The following HPSE2 variants were observed in gnomAD, a reference collection of about 807,000 sequenced individuals.
HPSE2 encodes the protein heparanase 2 (inactive).
In HPSE2, 38 loss-of-function variants were observed where a neutral mutation model predicts 60.5. That is an observed-to-expected ratio of 0.63 (90% CI 0.48 to 0.82). The LOEUF (loss-of-function observed/expected upper bound fraction) is 0.82, where lower values mean the gene tolerates loss of function less well. Ranked by LOEUF, HPSE2 falls within the 40% of genes least tolerant of loss-of-function variation. The pLI, the probability that HPSE2 is intolerant of heterozygous loss-of-function variation, is 0.00. For missense variants in HPSE2, 713 were observed against 740.4 expected (o/e 0.96, Z 0.43); for synonymous variants, 295 against 293.2 (o/e 1.01, Z -0.06).
intron 5 of HPSE2, among the ~76,000 whole-genome samples, chr10:98,702,995 G>C (rs117608532): frequency 0.015 from 2,275 of 152,166 alleles, 31 homozygotes; most frequent in African/African-American, 0.03. Flanking sequence ...ATGAATCCAG[G>C]AGCTGGTTTT....
intron 11 of HPSE2, 50 bp from the exon 12 acceptor site, chr10:98,459,789 C>A (rs1216503211): frequency 6.4e-7 from 1 of 1,551,050 alleles, no homozygotes; most frequent in Non-Finnish European, 8.8e-7. Context: ...TATAAGGGAG[C>A]CACTGCAACA....
At chr10:98,924,380 G>A (rs960243488) in intron 3 of HPSE2, 3 of 152,324 alleles carry the variant, frequency 2.0e-5, no homozygotes, top group African/African-American at 4.8e-5. Context: ...GTGAGTTCTT[G>A]TAGGCTCCAG....
upstream of HPSE2, among the ~76,000 whole-genome samples, chr10:99,240,380 C>G (rs1849918031): frequency 6.7e-6 from 1 of 149,922 alleles, no homozygotes; most frequent in African/African-American, 2.5e-5. Flanking sequence ...AGATGTACAG[C>G]TAATGGTCAT....
intron 3 of HPSE2, among the ~76,000 whole-genome samples, chr10:98,798,727 GAACA>G (rs1213140050): frequency 1.3e-5 from 2 of 151,694 alleles, no homozygotes; most frequent in African/African-American, 4.8e-5. Flanking sequence ...AAGAAACTTA[GAACA>G]AATACACAAA....
intron 3 of HPSE2, among the ~76,000 whole-genome samples, chr10:98,798,355 G>T (rs1196286133): frequency 1.3e-5 from 2 of 152,128 alleles, no homozygotes; most frequent in Non-Finnish European, 2.9e-5. Flanking sequence ...GAAAGAAAAA[G>T]ATGTTAATGA....
intron 3 of HPSE2, among the ~76,000 whole-genome samples, chr10:99,117,270 T>C (rs1844732288): frequency 6.7e-6 from 1 of 148,406 alleles, no homozygotes; most frequent in Admixed American, 6.7e-5. Context: ...AAACCTCACA[T>C]CACAACTAAG....
chr10:99,004,053 T>G (rs1245075319), intron 3 of HPSE2, among the ~76,000 whole-genome samples: 2 of 152,096 alleles, frequency 1.3e-5, no homozygotes, highest in African/African-American at 4.8e-5. Flanking sequence ...ATAAGTATAG[T>G]TACCCTGCTC....
At chr10:98,482,138 A>G (rs1941259670) in intron 11 of HPSE2, among the ~76,000 whole-genome samples, 1 of 152,078 alleles carries the variant, frequency 6.6e-6, no homozygotes, top group African/African-American at 2.4e-5. Flanking sequence ...TTTATCTCTG[A>G]CCTTTTGAGC....
At chr10:98,566,782 G>A (rs947863974) in intron 9 of HPSE2, among the ~76,000 whole-genome samples, 1 of 152,192 alleles carries the variant, frequency 6.6e-6, no homozygotes, top group African/African-American at 2.4e-5. Flanking sequence ...GTGGGACACA[G>A]AAGGGTTTGA....
At chr10:98,995,625 T>A in intron 3 of HPSE2, among the ~76,000 whole-genome samples, 1 of 152,106 alleles carries the variant, frequency 6.6e-6, no homozygotes, top group Non-Finnish European at 1.5e-5. Context: ...TTCTATTCAC[T>A]TCTACTTATC....
chr10:98,458,509 G>A lies in HPSE2; in HGVS notation c.*1065C>T, dbSNP rs1297934551. 6.6e-6 allele frequency: 1 copy of A among 152,154 alleles called. No individual in the cohort carries two copies. The highest frequency in any genetic ancestry group is 1.5e-5 in the Non-Finnish European group (1 of 68,024). 9.4% of individuals were successfully genotyped at this position (152,154 alleles called of 1,614,324 possible). On this transcript the variant is annotated 3_prime_UTR_variant, in exon 12 of 12. Transcript: ENST00000370552. The stretch of plus-strand genomic sequence containing the variant: ...ACAAAGTTTTGTTCTAGCTCAAATA[G>A]GCTACTTGGGAAGAGGCAAAAAGGT...
chr10:99,040,326 T>C (rs1050972752), intron 3 of HPSE2, among the ~76,000 whole-genome samples: 2 of 152,172 alleles, frequency 1.3e-5, no homozygotes, highest in Non-Finnish European at 2.9e-5. Context: ...TTTTAAAGTA[T>C]GCTATAAAGA....
At chr10:98,915,145 A>G (rs1400516991) in intron 3 of HPSE2, among the ~76,000 whole-genome samples, 1 of 149,530 alleles carries the variant, frequency 6.7e-6, no homozygotes, top group Admixed American at 6.7e-5. Context: ...AGTTTTCTAA[A>G]TTTTCCTTTT....
At chr10:98,832,290 G>A (rs1319007109) in intron 3 of HPSE2, among the ~76,000 whole-genome samples, 1 of 152,194 alleles carries the variant, frequency 6.6e-6, no homozygotes, top group East Asian at 1.9e-4. Context: ...ACGAAGCTTG[G>A]AATATATTTG....
intron 3 of HPSE2, among the ~76,000 whole-genome samples, chr10:98,919,694 A>G (rs896570576): frequency 6.6e-6 from 1 of 152,236 alleles, no homozygotes; most frequent in Non-Finnish European, 1.5e-5. Flanking sequence ...ATCAGAACAG[A>G]AATCTGAAGC....
At chr10:99,113,449 T>C (rs540412300) in intron 3 of HPSE2, among the ~76,000 whole-genome samples, 72 of 152,318 alleles carry the variant, frequency 4.7e-4, no homozygotes, top group Admixed American at 8.5e-4. Flanking sequence ...TTTTTGAACA[T>C]ATATCATTCA....
In HPSE2 at chr10:98,627,140, C is replaced by T. The variant is rs145083955; in HGVS notation, c.1099-6432G>A. Among the ~76,000 whole-genome samples the T allele has an allele frequency of 6.7e-3, 1,015 of 152,170 alleles. 3 individuals carry two copies. The highest frequency in any genetic ancestry group is 0.024 in the Middle Eastern group (7 of 294). ...TAAGTGAGGACTTGATTCCAGAAAACGGTTGGATTTATAAAATACTGTGTC... is the reference window on the plus strand; with the variant it reads ...TAAGTGAGGACTTGATTCCAGAAAATGGTTGGATTTATAAAATACTGTGTC... On this transcript the variant is annotated intron_variant, in intron 7 of 11. Transcript: ENST00000370552.
intron 3 of HPSE2, among the ~76,000 whole-genome samples, chr10:98,864,580 T>C (rs1952541678): frequency 6.6e-6 from 1 of 152,152 alleles, no homozygotes; most frequent in Admixed American, 6.5e-5. Context: ...AGTTATCCAG[T>C]TCATTAGTCT....
intron 9 of HPSE2, among the ~76,000 whole-genome samples, chr10:98,547,978 A>G (rs76458589): frequency 0.013 from 1,980 of 152,300 alleles, 40 homozygotes; most frequent in African/African-American, 0.045. Context: ...CAATAATTCA[A>G]TTTAAATACA....
Sources: gnomAD v4.1 joint callset for allele counts (sites outside exome capture counted in the v4.1 genomes callset) on GRCh38, gnomAD v4.1.1 for gene constraint, MANE v1.5 for transcripts, NCBI Gene and HGNC (gene_info 2026-07-23, HGNC 2026-07-21) for gene names.